PARD3: variants seen among roughly 807,000 people sequenced by gnomAD.
The protein encoded by PARD3 is par-3 family cell polarity regulator, also known as partitioning defective 3 homolog.
In PARD3, 75 loss-of-function variants were observed where a neutral mutation model predicts 155.4. The ratio of observed to expected loss-of-function variants is 0.48; its 90% CI spans 0.40 to 0.58. The LOEUF (loss-of-function observed/expected upper bound fraction) is 0.58. Ranked by LOEUF, PARD3 falls within the 20% of genes least tolerant of loss-of-function variation. The probability of loss-of-function intolerance (pLI) is 0.00; values close to 1 mark genes in which losing one functional copy is unlikely to be tolerated. For synonymous variants in PARD3, 576 were observed against 610.5 expected, an observed-to-expected ratio of 0.94 and a Z score of 0.83; for missense variants, 1,642 against 1,721.7, an observed-to-expected ratio of 0.95 and a Z score of 0.82.
intron 24 of PARD3, among the ~76,000 whole-genome samples, chr10:34,117,521 G>T (rs1340219383): frequency 6.6e-6 from 1 of 152,324 alleles, no homozygotes; most frequent in African/African-American, 2.4e-5. Flanking sequence ...TTCTTCAAGT[G>T]CTTAGGCATT....
intron 5 of PARD3, among the ~76,000 whole-genome samples, chr10:34,423,937 C>T (rs1341420704): frequency 1.3e-5 from 2 of 152,120 alleles, no homozygotes; most frequent in Non-Finnish European, 2.9e-5. Context: ...AATCATGAAA[C>T]TCTGGTCCAA....
intron 1 of PARD3, among the ~76,000 whole-genome samples, chr10:34,778,468 T>C (rs895928138): frequency 6.6e-6 from 1 of 152,180 alleles, no homozygotes; most frequent in Non-Finnish European, 1.5e-5. Flanking sequence ...TGTTGCTAAA[T>C]GGCAAACATG....
intron 5 of PARD3, among the ~76,000 whole-genome samples, chr10:34,422,171 T>C (rs1195078018): frequency 6.6e-6 from 1 of 151,680 alleles, no homozygotes; most frequent in African/African-American, 2.4e-5. Context: ...GATAATATCA[T>C]GGATTTTAAA....
intron 1 of PARD3, among the ~76,000 whole-genome samples, chr10:34,769,290 A>G (rs1838531262): frequency 6.6e-6 from 1 of 152,178 alleles, no homozygotes; most frequent in East Asian, 1.9e-4. Flanking sequence ...TGACCGAATC[A>G]GTCACAAGCT....
chr10:34,400,528 G>A lies in PARD3; in HGVS notation c.807-1115C>T, dbSNP rs1007481274. 2.0e-5 allele frequency among the ~76,000 whole-genome samples: 3 copies of A among 151,922 alleles called. No homozygotes were observed. In the East Asian group the frequency reaches 5.8e-4, roughly 29 times the overall value. On this transcript the variant is annotated intron_variant, in intron 6 of 24. Coordinates refer to ENST00000374788, the MANE Select transcript of PARD3 (RefSeq NM_001184785.2). ...GTATTTACCTAACAACCAATATTTG[G>A]AAACAGTACTTCAATTAAACATCTA...
intron 22 of PARD3, among the ~76,000 whole-genome samples, chr10:34,158,675 A>G (rs763797692): frequency 2.0e-5 from 3 of 152,226 alleles, no homozygotes; most frequent in Non-Finnish European, 4.4e-5. Flanking sequence ...AACGCTGTCC[A>G]ACACAACTGT....
intron 1 of PARD3, among the ~76,000 whole-genome samples, chr10:34,811,344 A>G (rs1022589573): frequency 3.3e-5 from 5 of 152,144 alleles, no homozygotes; most frequent in Non-Finnish European, 4.4e-5. Flanking sequence ...CCTTCCTGGA[A>G]TGCCCTCCCT....
chr10:34,263,691 C>A (rs1955145213), intron 22 of PARD3, among the ~76,000 whole-genome samples: 1 of 152,150 alleles, frequency 6.6e-6, no homozygotes, highest in Non-Finnish European at 1.5e-5. Context: ...CTCAAGTATT[C>A]TGGCTCCATA....
intron 2 of PARD3, among the ~76,000 whole-genome samples, chr10:34,633,700 G>A (rs889290629): frequency 8.5e-5 from 13 of 152,218 alleles, no homozygotes; most frequent in African/African-American, 3.1e-4. Flanking sequence ...CCCAGAAGTA[G>A]GATTGCTGGA....
intron 22 of PARD3, among the ~76,000 whole-genome samples, chr10:34,233,957 C>T (rs1953077072): frequency 1.3e-5 from 2 of 152,116 alleles, no homozygotes; most frequent in Non-Finnish European, 2.9e-5. Context: ...CCCTGTGTTG[C>T]CTTTTTCTTC....
At chr10:34,447,480 CAAAAAAAAAAAAAAAAAAAAAAAA>C (rs745637071) in intron 5 of PARD3, among the ~76,000 whole-genome samples, 8 of 37,212 alleles carry the variant, frequency 2.1e-4, no homozygotes, top group Non-Finnish European at 2.9e-4. Flanking sequence ...GACTGCGTCT[CAAAAAAAAAAAAAAAAAAAAAAAA>C]AAAAAAAAAA....
At chr10:34,280,309 C>T (rs1320949018) in intron 21 of PARD3, among the ~76,000 whole-genome samples, 3 of 152,014 alleles carry the variant, frequency 2.0e-5, no homozygotes, top group Non-Finnish European at 2.9e-5. Context: ...CTTAAAAGTA[C>T]ATAGGTGTGG....
chr10:34,343,910 C>T, intron 15 of PARD3: 1 of 982,532 alleles, frequency 1.0e-6, no homozygotes, highest in Non-Finnish European at 1.2e-6. Flanking sequence ...GGCAAATTTA[C>T]ATAGAAGGTA....
chr10:34,216,056 T>C (rs1375820666), intron 22 of PARD3, among the ~76,000 whole-genome samples: 1 of 152,154 alleles, frequency 6.6e-6, no homozygotes, highest in African/African-American at 2.4e-5. Flanking sequence ...ACTTGATTGG[T>C]CCCAGAGAAA....
chr10:34,718,440 G>A (rs559776228), intron 1 of PARD3, among the ~76,000 whole-genome samples: 9 of 148,752 alleles, frequency 6.1e-5, no homozygotes, highest in Non-Finnish European at 1.2e-4. Flanking sequence ...CCAGAGGATT[G>A]CTTGAACCCA....
intron 2 of PARD3, among the ~76,000 whole-genome samples, chr10:34,555,224 T>C (rs2084894786): frequency 6.6e-6 from 1 of 152,170 alleles, no homozygotes; most frequent in Admixed American, 6.5e-5. Flanking sequence ...GGGAAAGGGA[T>C]ATAAGGACAT....
At chr10:34,590,872 G>T (rs972673045) in intron 2 of PARD3, among the ~76,000 whole-genome samples, 4 of 152,238 alleles carry the variant, frequency 2.6e-5, no homozygotes, top group Non-Finnish European at 5.9e-5. Context: ...GACAGGCACT[G>T]GAGGCAAAGC....
At chr10:34,524,241 A>G (rs2082330845) in intron 2 of PARD3, among the ~76,000 whole-genome samples, 2 of 152,346 alleles carry the variant, frequency 1.3e-5, no homozygotes, top group Non-Finnish European at 2.9e-5. Context: ...TGAACAACAC[A>G]GGAGACCACC....
chr10:34,641,782 C>T (rs1329717237), intron 2 of PARD3, among the ~76,000 whole-genome samples: 3 of 152,158 alleles, frequency 2.0e-5, no homozygotes, highest in African/African-American at 4.8e-5. Context: ...GCATGCGCCT[C>T]GTGGGAACAG....
Sources: gnomAD v4.1 joint callset for allele counts (sites outside exome capture counted in the v4.1 genomes callset) on GRCh38, gnomAD v4.1.1 for gene constraint, MANE v1.5 for transcripts, NCBI Gene and HGNC (gene_info 2026-07-23, HGNC 2026-07-21) for gene names.